CAST: variants seen among roughly 807,000 people sequenced by gnomAD.
The protein encoded by CAST is MIR583 host.
CAST carries 76 observed loss-of-function variants against 119.6 expected under a neutral mutation model. The observed-to-expected ratio is 0.64, with a 90% CI of 0.53 to 0.77. CAST has a LOEUF of 0.77. CAST is among the 30% of genes least tolerant of loss of function. The pLI is 0.00. For synonymous variants in CAST, 319 were observed against 331.6 expected, an observed-to-expected ratio of 0.96 and a Z score of 0.41; for missense variants, 953 against 946.5, an observed-to-expected ratio of 1.01 and a Z score of -0.09.
At chr5:96,723,006 T>A (rs919276999) in intron 4 of CAST, among the ~76,000 whole-genome samples, 1 of 152,146 alleles carries the variant, frequency 6.6e-6, no homozygotes. Context: ...TATAGTGGTG[T>A]GATTACACTC....
the CAST span, among the ~76,000 whole-genome samples, chr5:96,049,920 A>T: frequency 6.7e-6 from 1 of 149,252 alleles, no homozygotes; most frequent in African/African-American, 2.5e-5. Flanking sequence ...AAAAAAAAGA[A>T]AAAGAAAAAA....
At chr5:96,537,449 T>A (rs1488162397) in intron 1 of CAST, among the ~76,000 whole-genome samples, 1 of 152,202 alleles carries the variant, frequency 6.6e-6, no homozygotes, top group South Asian at 2.1e-4. Flanking sequence ...CCATCTAATT[T>A]GTATTGCTGG....
At chr5:96,065,541 G>GAAGCATCTTTCATTTTA in the CAST span, among the ~76,000 whole-genome samples, 1 of 151,966 alleles carries the variant, frequency 6.6e-6, no homozygotes, top group African/African-American at 2.4e-5. Flanking sequence ...TTCTAGTTTT[G>GAAGCATCTTTCATTTTA]AAGCATCTTT....
the CAST span, among the ~76,000 whole-genome samples, chr5:96,335,180 T>C: frequency 7.2e-5 from 11 of 152,214 alleles, no homozygotes; most frequent in African/African-American, 2.7e-4. Flanking sequence ...CCCCATGTCC[T>C]CTTAGTGATG....
intron 1 of CAST, among the ~76,000 whole-genome samples, chr5:96,673,183 T>C (rs1327232183): frequency 6.6e-6 from 1 of 152,198 alleles, no homozygotes; most frequent in Non-Finnish European, 1.5e-5. Context: ...AAATATGAAT[T>C]ACAGATTATG....
intron 1 of CAST, among the ~76,000 whole-genome samples, chr5:96,573,577 C>A (rs1450661197): frequency 6.6e-6 from 1 of 152,012 alleles, no homozygotes; most frequent in Non-Finnish European, 1.5e-5. Flanking sequence ...GAGATCAAGG[C>A]TGCAGTGAGC....
chr5:96,575,533 G>T (rs1746653822), intron 1 of CAST, among the ~76,000 whole-genome samples: 1 of 151,958 alleles, frequency 6.6e-6, no homozygotes, highest in South Asian at 2.1e-4. Context: ...TCAGCTGTAA[G>T]ATTTTTGTAG....
chr5:96,579,559 G>A lies in CAST; in HGVS notation c.60+49679G>A, dbSNP rs145081378. On this transcript the variant is annotated intron_variant, in intron 1 of 11. Transcript: ENST00000505143. The stretch of plus-strand genomic sequence containing the variant: ...TGGGCTATCTTCTATTGTAGGTTGG[G>A]GGTCAGGAAATGCCAAGTCTAGGTT... Among the ~76,000 whole-genome samples, 491 of 152,208 alleles carry A rather than the reference G, an allele frequency of 3.2e-3. 2 individuals are homozygous for A. Among genetic ancestry groups the A allele is most frequent in the Middle Eastern group, 0.01 (3 of 294 alleles).
At chr5:96,454,678 G>A in the CAST span, among the ~76,000 whole-genome samples, 1 of 152,186 alleles carries the variant, frequency 6.6e-6, no homozygotes, top group Non-Finnish European at 1.5e-5. Context: ...GCTGAACAGA[G>A]ATTGTTTCGT....
the CAST span, among the ~76,000 whole-genome samples, chr5:96,484,803 C>T: frequency 1.3e-5 from 2 of 152,096 alleles, no homozygotes; most frequent in East Asian, 1.9e-4. Flanking sequence ...TTTTCTATTC[C>T]TGCTCTGCCA....
chr5:96,173,262 TATA>T, the CAST span, among the ~76,000 whole-genome samples: 4 of 152,342 alleles, frequency 2.6e-5, no homozygotes, highest in Middle Eastern at 3.4e-3. Flanking sequence ...TTAAATTGGA[TATA>T]ATGTTTCATG....
At chr5:96,466,402 GAC>G in the CAST span, among the ~76,000 whole-genome samples, 2 of 152,100 alleles carry the variant, frequency 1.3e-5, no homozygotes, top group African/African-American at 2.4e-5. Context: ...TGTGAAACAT[GAC>G]CATGGTTCTA....
chr5:96,567,111 T>C (rs1746480906), intron 1 of CAST, among the ~76,000 whole-genome samples: 1 of 152,150 alleles, frequency 6.6e-6, no homozygotes, highest in Admixed American at 6.5e-5. Flanking sequence ...AGAGAGCTCA[T>C]TCATTATTAA....
At chr5:96,480,291 A>T in the CAST span, among the ~76,000 whole-genome samples, 1 of 152,196 alleles carries the variant, frequency 6.6e-6, no homozygotes, top group Admixed American at 6.5e-5. Context: ...GTAGAATTGA[A>T]TACAGAAAAT....
chr5:96,289,044 G>A, the CAST span, among the ~76,000 whole-genome samples: 6 of 151,130 alleles, frequency 4.0e-5, no homozygotes, highest in African/African-American at 4.9e-5. Flanking sequence ...GAAGTGTCAC[G>A]TTCCATTTTC....
chr5:96,035,081 A>G, the CAST span, among the ~76,000 whole-genome samples: 1 of 140,330 alleles, frequency 7.1e-6, no homozygotes, highest in African/African-American at 2.5e-5. Flanking sequence ...ATATATATAT[A>G]TATATATTTA....
the CAST span, among the ~76,000 whole-genome samples, chr5:96,306,843 A>T: frequency 1.3e-5 from 2 of 152,066 alleles, no homozygotes; most frequent in Non-Finnish European, 2.9e-5. Context: ...ATTCTTTTGC[A>T]TTTGCTGAGG....
At chr5:96,723,146 G>A (rs773040315) in intron 4 of CAST, among the ~76,000 whole-genome samples, 3 of 150,724 alleles carry the variant, frequency 2.0e-5, no homozygotes, top group Non-Finnish European at 4.4e-5. Context: ...GTTTGTTTTT[G>A]TAGAGACAGG....
the CAST span, among the ~76,000 whole-genome samples, chr5:96,350,034 G>A: frequency 6.6e-6 from 1 of 152,130 alleles, no homozygotes; most frequent in African/African-American, 2.4e-5. Flanking sequence ...ATACTGGAAA[G>A]GTCATAATTC....
Sources: allele counts gnomAD v4.1 joint callset (sites outside exome capture counted in the v4.1 genomes callset), GRCh38; gene constraint gnomAD v4.1.1; transcripts MANE v1.5; gene names NCBI Gene and HGNC (gene_info 2026-07-23, HGNC 2026-07-21).